Variants in NALF1 observed in about 807,000 individuals in gnomAD.
The protein encoded by NALF1 is family with sequence similarity 155 member A.
In NALF1, 3 loss-of-function variants were observed where a neutral mutation model predicts 48.4. The ratio of observed to expected loss-of-function variants is 0.06; its 90% CI spans 0.03 to 0.16. NALF1 has a LOEUF of 0.16. Ranked by LOEUF, NALF1 falls within the 10% of genes least tolerant of loss-of-function variation. The probability of loss-of-function intolerance (pLI) is 1.00; values close to 1 mark genes in which losing one functional copy is unlikely to be tolerated. For missense variants in NALF1, 526 were observed against 571.5 expected, an observed-to-expected ratio of 0.92 and a Z score of 0.81; for synonymous variants, 262 against 245.7, an observed-to-expected ratio of 1.07 and a Z score of -0.62.
chr13:107,704,234 G>A (rs1435535191), intron 1 of NALF1, among the ~76,000 whole-genome samples: 1 of 152,002 alleles, frequency 6.6e-6, no homozygotes, highest in African/African-American at 2.4e-5. Flanking sequence ...GTTGCTTCAT[G>A]GTCCTTTTCA....
At chr13:107,565,660 G>A (rs1328356997) in intron 1 of NALF1, among the ~76,000 whole-genome samples, 1 of 152,054 alleles carries the variant, frequency 6.6e-6, no homozygotes, top group African/African-American at 2.4e-5. Context: ...TTCCCCATCT[G>A]CAAAATGAGA....
chr13:107,693,857 C>T (rs967903007), intron 1 of NALF1, among the ~76,000 whole-genome samples: 1 of 152,132 alleles, frequency 6.6e-6, no homozygotes, highest in African/African-American at 2.4e-5. Context: ...TGCTGGGCTA[C>T]TTGTTTCACA....
At chr13:107,372,039 C>A (rs1883257251) in intron 1 of NALF1, among the ~76,000 whole-genome samples, 1 of 152,254 alleles carries the variant, frequency 6.6e-6, no homozygotes, top group Non-Finnish European at 1.5e-5. Context: ...CTGAATAGGG[C>A]ACTGTTTTGT....
intron 1 of NALF1, among the ~76,000 whole-genome samples, chr13:107,537,746 G>A (rs755622238): frequency 2.6e-5 from 4 of 152,116 alleles, no homozygotes; most frequent in African/African-American, 9.7e-5. Flanking sequence ...AGATGGGCAT[G>A]GTGGCTCATG....
intron 1 of NALF1, among the ~76,000 whole-genome samples, chr13:107,535,357 C>T (rs1876770443): frequency 6.6e-6 from 1 of 152,026 alleles, no homozygotes; most frequent in Admixed American, 6.6e-5. Flanking sequence ...TACGTCCCAT[C>T]AATACCTAAT....
At chr13:107,434,025 T>C (rs1884424774) in intron 1 of NALF1, among the ~76,000 whole-genome samples, 2 of 152,276 alleles carry the variant, frequency 1.3e-5, no homozygotes, top group Admixed American at 6.5e-5. Context: ...GAGGCTGTAA[T>C]AGAAGATCAA....
chr13:107,535,679 C>A (rs1019773707), intron 1 of NALF1, among the ~76,000 whole-genome samples: 2 of 152,124 alleles, frequency 1.3e-5, no homozygotes, highest in Non-Finnish European at 2.9e-5. Context: ...TTAATGCCAT[C>A]CCCATCAAGC....
At chr13:107,508,997 G>T (rs987188587) in intron 1 of NALF1, among the ~76,000 whole-genome samples, 1 of 152,030 alleles carries the variant, frequency 6.6e-6, no homozygotes, top group East Asian at 1.9e-4. Context: ...GATTATTTGC[G>T]AATTGTATTT....
At chr13:107,248,959 C>A (rs1196821376) in intron 1 of NALF1, among the ~76,000 whole-genome samples, 1 of 145,490 alleles carries the variant, frequency 6.9e-6, no homozygotes, top group African/African-American at 2.6e-5. Context: ...TTTGTACACA[C>A]ACATATATAT....
intron 2 of NALF1, among the ~76,000 whole-genome samples, chr13:107,198,370 A>G (rs972004164): frequency 3.3e-5 from 5 of 152,192 alleles, no homozygotes; most frequent in Admixed American, 2.6e-4. Context: ...AATTTACAAA[A>G]ATAATTTTAC....
chr13:107,474,944 G>A (rs530207495), intron 1 of NALF1, among the ~76,000 whole-genome samples: 1 of 152,176 alleles, frequency 6.6e-6, no homozygotes, highest in South Asian at 2.1e-4. Flanking sequence ...AAGCTTTCTG[G>A]TTCTTTTAAT....
intron 1 of NALF1, among the ~76,000 whole-genome samples, chr13:107,296,889 T>A (rs1266731908): frequency 2.0e-5 from 3 of 152,120 alleles, no homozygotes; most frequent in African/African-American, 7.2e-5. Flanking sequence ...CAAGGCAGAA[T>A]CAACTACACA....
chr13:107,759,768 C>CTT (rs58668313), intron 1 of NALF1, among the ~76,000 whole-genome samples: 25 of 147,236 alleles, frequency 1.7e-4, no homozygotes, highest in East Asian at 1.4e-3. Flanking sequence ...ATTTACTTTG[C>CTT]TTTTTTTTTT....
intron 1 of NALF1, among the ~76,000 whole-genome samples, chr13:107,750,078 A>G (rs577080993): frequency 1.4e-4 from 21 of 152,224 alleles, no homozygotes; most frequent in African/African-American, 5.1e-4. Flanking sequence ...TCAGCCTCCC[A>G]AAGTGTTTTT....
intron 1 of NALF1, among the ~76,000 whole-genome samples, chr13:107,474,532 T>C (rs1039203734): frequency 1.3e-5 from 2 of 152,214 alleles, no homozygotes; most frequent in African/African-American, 4.8e-5. Flanking sequence ...AGAAATGTAA[T>C]AATGTCTTCA....
At chr13:107,760,368 G>C (rs1266421123) in intron 1 of NALF1, among the ~76,000 whole-genome samples, 4 of 152,080 alleles carry the variant, frequency 2.6e-5, no homozygotes, top group Non-Finnish European at 5.9e-5. Context: ...ACAACACAAG[G>C]AGGAACATCT....
Position 107,596,271 on chromosome 13 carries a change from C to G in NALF1, c.915+269411G>C, listed in dbSNP as rs542000604. On this transcript the variant is annotated intron_variant, in intron 1 of 2. Transcript: ENST00000375915. ...TGTGAAAGACAGTGTGGCGATTCCT[C>G]AAGGATCTAGAATCAGAAATACCAT... 2.6e-5 allele frequency among the ~76,000 whole-genome samples: 4 copies of G among 152,250 alleles called. No homozygotes were observed. In the South Asian group the frequency reaches 6.2e-4, roughly 24 times the overall value.
At chr13:107,226,360 G>A (rs572602690) in intron 1 of NALF1, among the ~76,000 whole-genome samples, 6 of 152,210 alleles carry the variant, frequency 3.9e-5, no homozygotes, top group South Asian at 4.1e-4. Context: ...ATTTTTCAGC[G>A]TAAGCACAAA....
intron 1 of NALF1, among the ~76,000 whole-genome samples, chr13:107,571,075 C>T (rs1288014873): frequency 1.3e-5 from 2 of 152,066 alleles, no homozygotes; most frequent in Non-Finnish European, 2.9e-5. Context: ...ATGTATAAGA[C>T]AAGAAATAAT....
Sources: allele counts gnomAD v4.1 joint callset (sites outside exome capture counted in the v4.1 genomes callset), GRCh38; gene constraint gnomAD v4.1.1; transcripts MANE v1.5; gene names NCBI Gene and HGNC (gene_info 2026-07-23, HGNC 2026-07-21).